Variants in TFAM observed in about 807,000 individuals in gnomAD.
TFAM encodes the protein transcription factor A, mitochondrial.
A neutral mutation model predicts 30.6 loss-of-function variants in TFAM; 13 were observed. The observed-to-expected ratio is 0.42, with a 90% CI of 0.28 to 0.67. The LOEUF (loss-of-function observed/expected upper bound fraction) is 0.67. Among genes scored for constraint, TFAM ranks in the 30% least tolerant of loss-of-function variants. The pLI is 0.21. For synonymous variants in TFAM, 106 were observed against 94.8 expected (o/e 1.12, Z -0.69); for missense variants, 231 against 293.7 (o/e 0.79, Z 1.56).
In TFAM at chr10:58,385,577, G is replaced by T; in HGVS notation, c.30G>T (p.Val10=). The change falls in exon 1 of 7, where the codon GTG becomes GTT. Residue 10 remains valine (V), a synonymous_variant. Coordinates refer to ENST00000487519, the MANE Select transcript of TFAM (RefSeq NM_003201.3). The part of the protein sequence containing the change: MAFLRSMWG[V]LSALGRSGAE... Reference sequence around the variant, plus strand: ...CGTTTCTCCGAAGCATGTGGGGCGTGCTGAGTGCCCTGGGAAGGTCTGGAG... The same window carrying T: ...CGTTTCTCCGAAGCATGTGGGGCGTTCTGAGTGCCCTGGGAAGGTCTGGAG... 1 of 1,570,812 alleles carries T rather than the reference G, an allele frequency of 6.4e-7. No homozygotes were observed. Among genetic ancestry groups the T allele is most frequent in the Non-Finnish European group, 8.6e-7 (1 of 1,157,486 alleles).
At position 58,395,051 on chromosome 10, in the gene TFAM, A is replaced by G; in HGVS notation, c.718A>G (p.Lys240Glu). The G allele has an allele frequency of 6.2e-7, 1 of 1,613,648 alleles. No homozygotes were observed. The highest frequency in any genetic ancestry group is 8.5e-7 in the Non-Finnish European group (1 of 1,179,702). ...ACGTCGCACAATAAAGAAACAACGA[A>G]AATATGGTGCTGAGGAGTGTTAAAA... Reference protein sequence around the residue: ...LLRRTIKKQRKYGAEEC With the variant: ...LLRRTIKKQREYGAEEC Residue 240 changes from lysine (K) to glutamate (E), a missense_variant, in exon 7 of 7, where the codon AAA becomes GAA. Transcript: ENST00000487519.
rs76389128 is a variant in TFAM, at chr10:58,398,497, G to A, written c.*3423G>A. On this transcript the variant is annotated 3_prime_UTR_variant, in exon 7 of 7. Coordinates refer to ENST00000487519, the MANE Select transcript of TFAM (RefSeq NM_003201.3). Reference sequence around the variant, plus strand: ...TACGTATTCAGCTTGCTGTAATTCTGTAATTACGCTATTGCGTTTGGCTAA... The same window carrying A: ...TACGTATTCAGCTTGCTGTAATTCTATAATTACGCTATTGCGTTTGGCTAA... 2.2e-3 allele frequency: 337 copies of A among 152,186 alleles called. 1 individual carries two copies. Among genetic ancestry groups the A allele is most frequent in the African/African-American group, 7.7e-3 (321 of 41,528 alleles). The allele number at this position is 152,186 out of a possible 1,614,324, so 9.4% of individuals were successfully genotyped here.
At chr10:58,391,137 T>C (rs1840591304) in intron 5 of TFAM, among the ~76,000 whole-genome samples, 1 of 152,156 alleles carries the variant, frequency 6.6e-6, no homozygotes, top group Non-Finnish European at 1.5e-5. Flanking sequence ...CTGGAGGCTT[T>C]TCTGTTCCAG....
chr10:58,398,512 C>T lies in TFAM; in HGVS notation c.*3438C>T, dbSNP rs533773086. On this transcript the variant is annotated 3_prime_UTR_variant, in exon 7 of 7. Transcript: ENST00000487519. ...CTGTAATTCTGTAATTACGCTATTG[C>T]GTTTGGCTAACTCCTTTTTGGAAAT... 1.3e-5 allele frequency: 2 copies of T among 151,790 alleles called. No homozygotes were observed. The highest frequency in any genetic ancestry group is 1.9e-4 in the East Asian group (1 of 5,176). 9.4% of individuals were successfully genotyped at this position (151,790 alleles called of 1,614,324 possible). A position where few individuals can be genotyped will look rare whatever the true frequency, so the allele number is the denominator to read the frequency against.
At chr10:58,392,399 T>C (rs79356971) in intron 5 of TFAM, among the ~76,000 whole-genome samples, 12,973 of 152,108 alleles carry the variant, frequency 0.085, 897 homozygotes, top group East Asian at 0.32. Flanking sequence ...GCTTTTTTTT[T>C]CCTCCCCTTT....
chr10:58,393,640 C>A (rs1437343065), intron 5 of TFAM, among the ~76,000 whole-genome samples: 1 of 152,076 alleles, frequency 6.6e-6, no homozygotes, highest in Non-Finnish European at 1.5e-5. Context: ...GTAATCCTAA[C>A]AATTTGGGAA....
chr10:58,388,876 A>G, intron 4 of TFAM, 57 bp downstream of exon 4: 1 of 1,453,596 alleles, frequency 6.9e-7, no homozygotes, highest in Non-Finnish European at 9.5e-7. Context: ...TTATATAACT[A>G]TGAATATAGG....
chr10:58,388,721 A>G lies in TFAM; in HGVS notation c.343A>G (p.Ser115Gly). The change falls in exon 4 of 7, where the codon AGC becomes GGC. Residue 115 changes from serine to glycine, a missense_variant. Coordinates refer to ENST00000487519, the MANE Select transcript of TFAM (RefSeq NM_003201.3). ...GTGGCAGGTATATAAAGAAGAGATA[A>G]GCAGATTTAAAGAACAGCTAACTCC... ...AEWQVYKEEISRFKEQLTPSQ... is the reference protein window; with the variant it reads ...AEWQVYKEEIGRFKEQLTPSQ... 8 of 1,613,940 alleles carry G rather than the reference A, an allele frequency of 5.0e-6. No homozygotes were observed. The highest frequency in any genetic ancestry group is 5.9e-6 in the Non-Finnish European group (7 of 1,179,920).
intron 2 of TFAM, among the ~76,000 whole-genome samples, chr10:58,387,137 C>T (rs1481467742): frequency 6.6e-6 from 1 of 152,100 alleles, no homozygotes; most frequent in East Asian, 1.9e-4. Flanking sequence ...GGGCGCAGTG[C>T]CTGTAGTCCC....
chr10:58,388,874 C>G, intron 4 of TFAM, 55 bp downstream of exon 4: 1 of 1,456,076 alleles, frequency 6.9e-7, no homozygotes, highest in Non-Finnish European at 9.5e-7. Flanking sequence ...ATTTATATAA[C>G]TATGAATATA....
At chr10:58,386,105 C>A in intron 1 of TFAM, 115 bp from the exon 2 acceptor site, 1 of 812,978 alleles carries the variant, frequency 1.2e-6, no homozygotes, top group Non-Finnish European at 2.2e-6. Flanking sequence ...TTGTTGAAGG[C>A]GTTGGATACA....
intron 5 of TFAM, among the ~76,000 whole-genome samples, chr10:58,393,376 G>A (rs1252822658): frequency 6.6e-6 from 1 of 152,118 alleles, no homozygotes; most frequent in Non-Finnish European, 1.5e-5. Context: ...TGAGATATTT[G>A]GGAATTCTGT....
At position 58,395,099 on chromosome 10, in the gene TFAM, C is replaced by T. The variant is rs1161427870; in HGVS notation, c.*25C>T. ...AAAGTAGAAGATTGAGATGTGTTCA[C>T]AATGGATAGGCACAGGAAACCAGTT... On this transcript the variant is annotated 3_prime_UTR_variant, in exon 7 of 7. Coordinates refer to ENST00000487519, the MANE Select transcript of TFAM (RefSeq NM_003201.3). 1 of 1,611,550 alleles carries T rather than the reference C, an allele frequency of 6.2e-7. No homozygotes were observed.
chr10:58,386,407 T>C (rs1420299000), intron 2 of TFAM, 69 bp downstream of exon 2: 1 of 1,107,726 alleles, frequency 9.0e-7, no homozygotes, highest in African/African-American at 1.5e-5. Flanking sequence ...TAAATACCAA[T>C]GTTGAATTGC....
rs1475612779 is a variant in TFAM at position 58,397,072 on chromosome 10, C to G, written c.*1998C>G. On this transcript the variant is annotated 3_prime_UTR_variant, in exon 7 of 7. Coordinates refer to ENST00000487519, the MANE Select transcript of TFAM (RefSeq NM_003201.3). The stretch of plus-strand genomic sequence containing the variant: ...TTTGCAGGAGAAAAAGCCCTAAGTC[C>G]CTGTGTCATCTAGAATGGTACTAAT... The G allele has an allele frequency of 6.6e-6, 1 of 151,910 alleles. No homozygotes were observed. The highest frequency in any genetic ancestry group is 6.6e-5 in the Admixed American group (1 of 15,244). The allele number at this position is 151,910 out of a possible 1,614,324, so 9.4% of individuals were successfully genotyped here.
intron 2 of TFAM, 46 bp from the exon 3 acceptor site, chr10:58,388,142 TGA>T (rs1358355611): frequency 7.0e-7 from 1 of 1,437,944 alleles, no homozygotes; most frequent in Non-Finnish European, 9.8e-7. Flanking sequence ...AAATTAATCC[TGA>T]GAGGTAAAAT....
Position 58,398,559 on chromosome 10 carries a change from A to T in TFAM, c.*3485A>T, listed in dbSNP as rs1235495958. The T allele has an allele frequency of 6.6e-6, 1 of 152,086 alleles. No homozygotes were observed. The highest frequency in any genetic ancestry group is 2.1e-4 in the South Asian group (1 of 4,830). 9.4% of individuals were successfully genotyped at this position (152,086 alleles called of 1,614,324 possible). A position where few individuals can be genotyped will look rare whatever the true frequency, so the allele number is the denominator to read the frequency against. ...AAATGTCTTTTTTTTTGTACAAGGCATGTGTTAGTTTTTACTAATTGCTCT... is the reference window on the plus strand; with the variant it reads ...AAATGTCTTTTTTTTTGTACAAGGCTTGTGTTAGTTTTTACTAATTGCTCT... On this transcript the variant is annotated 3_prime_UTR_variant, in exon 7 of 7. Transcript: ENST00000487519.
intron 5 of TFAM, among the ~76,000 whole-genome samples, chr10:58,393,761 G>A (rs116152992): frequency 0.024 from 3,587 of 152,136 alleles, 114 homozygotes; most frequent in African/African-American, 0.078. Context: ...CAGGCATGGT[G>A]GTGCATATCT....
Position 58,395,215 on chromosome 10 carries a change from C to A in TFAM, c.*141C>A. On this transcript the variant is annotated 3_prime_UTR_variant, in exon 7 of 7. Transcript: ENST00000487519. ...AGTATCTTTTTATTCAGCTCATGGA[C>A]TTCTGCCAGCATAATACTTGCTTTG... 1.2e-6 allele frequency: 1 copy of A among 865,100 alleles called. No homozygotes were observed. The highest frequency in any genetic ancestry group is 1.8e-6 in the Non-Finnish European group (1 of 546,414). 53.6% of individuals were successfully genotyped at this position (865,100 alleles called of 1,614,324 possible).
Sources: allele counts gnomAD v4.1 joint callset (sites outside exome capture counted in the v4.1 genomes callset), GRCh38; gene constraint gnomAD v4.1.1; transcripts MANE v1.5; gene names NCBI Gene and HGNC (gene_info 2026-07-23, HGNC 2026-07-21).